The following AUTS2 variants were observed in gnomAD, a reference collection of about 807,000 sequenced individuals.
AUTS2 encodes autism susceptibility gene 2 protein.
A neutral mutation model predicts 112.4 loss-of-function variants in AUTS2; 17 were observed. The ratio of observed to expected loss-of-function variants is 0.15; its 90% CI spans 0.10 to 0.23. AUTS2 has a LOEUF of 0.23. AUTS2 is among the 10% of genes least tolerant of loss of function. The probability of loss-of-function intolerance (pLI) is 1.00; values close to 1 mark genes in which losing one functional copy is unlikely to be tolerated. For missense variants in AUTS2, 1,510 were observed against 1,701.6 expected, an observed-to-expected ratio of 0.89 and a Z score of 1.98; for synonymous variants, 751 against 702.7, an observed-to-expected ratio of 1.07 and a Z score of -1.09.
intron 2 of AUTS2, among the ~76,000 whole-genome samples, chr7:69,971,975 T>C (rs1273273670): frequency 6.6e-6 from 1 of 152,162 alleles, no homozygotes; most frequent in African/African-American, 2.4e-5. Context: ...ATGTATAGTA[T>C]TTGCGTGGTT....
chr7:69,688,030 A>G (rs941440712), intron 1 of AUTS2, among the ~76,000 whole-genome samples: 1 of 152,248 alleles, frequency 6.6e-6, no homozygotes, highest in African/African-American at 2.4e-5. Flanking sequence ...TAAAAAATGC[A>G]TGTTATTTAG....
At chr7:69,850,065 C>T (rs569275248) in intron 1 of AUTS2, among the ~76,000 whole-genome samples, 1 of 151,750 alleles carries the variant, frequency 6.6e-6, no homozygotes, top group African/African-American at 2.4e-5. Context: ...GAGGCCGAGG[C>T]GGGTGGATCA....
chr7:70,617,927 C>CCTTCGCTACTTTTGT (rs1804465114), intron 5 of AUTS2, among the ~76,000 whole-genome samples: 1 of 151,978 alleles, frequency 6.6e-6, no homozygotes, highest in Non-Finnish European at 1.5e-5. Flanking sequence ...GCTACTTTTG[C>CCTTCGCTACTTTTGT]CCAGTATTTC....
At chr7:69,699,856 G>T (rs1438973994) in intron 1 of AUTS2, among the ~76,000 whole-genome samples, 1 of 151,974 alleles carries the variant, frequency 6.6e-6, no homozygotes. Context: ...TGTTGTCCAG[G>T]CTTGTCTCAG....
chr7:69,656,769 A>G (rs1259482345), intron 1 of AUTS2, among the ~76,000 whole-genome samples: 2 of 152,324 alleles, frequency 1.3e-5, no homozygotes, highest in African/African-American at 2.4e-5. Flanking sequence ...CAAGCCCAAC[A>G]TGTGGCTTCT....
intron 4 of AUTS2, among the ~76,000 whole-genome samples, chr7:70,322,936 G>A (rs1204664164): frequency 3.9e-5 from 6 of 152,214 alleles, no homozygotes; most frequent in Non-Finnish European, 7.3e-5. Flanking sequence ...CACTTTACAT[G>A]TGTTGCCTTC....
At chr7:70,197,186 T>C (rs1268071316) in intron 4 of AUTS2, among the ~76,000 whole-genome samples, 1 of 152,098 alleles carries the variant, frequency 6.6e-6, no homozygotes, top group African/African-American at 2.4e-5. Flanking sequence ...GAACAACAAC[T>C]AAGCCTCTAC....
At chr7:70,469,723 C>T (rs572404619) in intron 5 of AUTS2, among the ~76,000 whole-genome samples, 1 of 152,338 alleles carries the variant, frequency 6.6e-6, no homozygotes, top group East Asian at 1.9e-4. Context: ...TCACTGCAAC[C>T]TCCACCTCCT....
intron 5 of AUTS2, among the ~76,000 whole-genome samples, chr7:70,592,083 A>G (rs900467648): frequency 6.6e-6 from 1 of 152,384 alleles, no homozygotes; most frequent in Admixed American, 6.5e-5. Flanking sequence ...AATAGAATAT[A>G]TGCTCATTGT....
intron 5 of AUTS2, among the ~76,000 whole-genome samples, chr7:70,642,305 A>G (rs1451369672): frequency 2.0e-5 from 3 of 152,150 alleles, no homozygotes; most frequent in African/African-American, 7.2e-5. Context: ...ATGTTAAGAG[A>G]TCTTTACTTT....
intron 8 of AUTS2, among the ~76,000 whole-genome samples, 182 bp downstream of exon 8, chr7:70,765,187 A>G (rs1181521571): frequency 6.6e-6 from 1 of 152,092 alleles, no homozygotes; most frequent in East Asian, 1.9e-4. Flanking sequence ...CAGCACCCAT[A>G]CTAAGCTAGC....
chr7:70,645,765 A>G (rs192772460), intron 5 of AUTS2, among the ~76,000 whole-genome samples: 184 of 152,306 alleles, frequency 1.2e-3, no homozygotes, highest in African/African-American at 4.2e-3. Flanking sequence ...ACTGTGCTGT[A>G]TTCTATGTCA....
At chr7:70,430,858 C>T (rs1296415323) in intron 4 of AUTS2, among the ~76,000 whole-genome samples, 17 of 100,748 alleles carry the variant, frequency 1.7e-4, no homozygotes, top group Middle Eastern at 0.011. Context: ...TTTTTTGAGA[C>T]GGAGTCTCGC....
At chr7:70,575,345 G>A (rs917990965) in intron 5 of AUTS2, among the ~76,000 whole-genome samples, 9 of 152,134 alleles carry the variant, frequency 5.9e-5, no homozygotes, top group African/African-American at 1.9e-4. Context: ...TCCTTTGCCA[G>A]CCATCATGAG....
chr7:70,381,921 C>T (rs1167192213), intron 4 of AUTS2, among the ~76,000 whole-genome samples: 1 of 152,096 alleles, frequency 6.6e-6, no homozygotes, highest in Non-Finnish European at 1.5e-5. Context: ...TGAGTGTATA[C>T]CGTATACCAA....
At chr7:70,067,782 G>A (rs949252488) in intron 2 of AUTS2, among the ~76,000 whole-genome samples, 9 of 151,794 alleles carry the variant, frequency 5.9e-5, no homozygotes, top group African/African-American at 2.2e-4. Flanking sequence ...GAGCCTGGGA[G>A]ATTGAGGCTA....
At chr7:70,263,587 A>G (rs1787270075) in intron 4 of AUTS2, among the ~76,000 whole-genome samples, 1 of 152,238 alleles carries the variant, frequency 6.6e-6, no homozygotes, top group African/African-American at 2.4e-5. Flanking sequence ...TCTTAAGAGC[A>G]TAAAAACTTT....
chr7:70,110,229 A>T (rs983599946), intron 2 of AUTS2, among the ~76,000 whole-genome samples: 1 of 152,168 alleles, frequency 6.6e-6, no homozygotes, highest in African/African-American at 2.4e-5. Flanking sequence ...TTTAAATTTT[A>T]TTAGGGCTGG....
intron 5 of AUTS2, among the ~76,000 whole-genome samples, chr7:70,643,462 C>G (rs148553561): frequency 6.6e-6 from 1 of 152,064 alleles, no homozygotes; most frequent in African/African-American, 2.4e-5. Context: ...TCCCAGCTAC[C>G]CAGGAGGCTG....
Sources: gnomAD v4.1 joint callset for allele counts (sites outside exome capture counted in the v4.1 genomes callset) on GRCh38, gnomAD v4.1.1 for gene constraint, MANE v1.5 for transcripts, NCBI Gene and HGNC (gene_info 2026-07-23, HGNC 2026-07-21) for gene names.